Variants in SLC35F1 observed in about 807,000 individuals in gnomAD.
The protein encoded by SLC35F1 is chromosome 6 open reading frame 169.
SLC35F1 carries 14 observed loss-of-function variants against 48.7 expected under a neutral mutation model. The observed-to-expected ratio is 0.29, with a 90% CI of 0.19 to 0.45. The LOEUF (loss-of-function observed/expected upper bound fraction) is 0.45, where lower values mean the gene tolerates loss of function less well. Ranked by LOEUF, SLC35F1 falls within the 20% of genes least tolerant of loss-of-function variation. The pLI, the probability that SLC35F1 is intolerant of heterozygous loss-of-function variation, is 1.00. For synonymous variants in SLC35F1, 190 were observed against 202.2 expected (o/e 0.94, Z 0.51); for missense variants, 404 against 500.0 (o/e 0.81, Z 1.83).
chr6:118,275,044 C>T (rs283087), intron 4 of SLC35F1, among the ~76,000 whole-genome samples: 74,506 of 151,968 alleles, frequency 0.49, 18,642 homozygotes, highest in Non-Finnish European at 0.55. Context: ...GGTGTGGTGG[C>T]AGGTGCCTGT....
At chr6:117,922,288 T>G (rs1246370919) in intron 1 of SLC35F1, among the ~76,000 whole-genome samples, 1 of 152,192 alleles carries the variant, frequency 6.6e-6, no homozygotes, top group African/African-American at 2.4e-5. Context: ...GAGAACAACA[T>G]TTTCTTATTC....
At chr6:118,167,430 G>A (rs771694527) in intron 2 of SLC35F1, among the ~76,000 whole-genome samples, 1 of 152,102 alleles carries the variant, frequency 6.6e-6, no homozygotes, top group African/African-American at 2.4e-5. Flanking sequence ...AGGCTACATG[G>A]TTAGCCTATA....
chr6:118,220,823 T>A (rs1775137449), intron 2 of SLC35F1, among the ~76,000 whole-genome samples: 1 of 152,212 alleles, frequency 6.6e-6, no homozygotes, highest in Non-Finnish European at 1.5e-5. Flanking sequence ...TGGCTTGTTT[T>A]GTGTTACTTT....
chr6:118,272,362 TA>T (rs1775862363), intron 4 of SLC35F1, among the ~76,000 whole-genome samples: 2 of 152,196 alleles, frequency 1.3e-5, no homozygotes, highest in South Asian at 2.1e-4. Flanking sequence ...TTCATAATTT[TA>T]AACATGTCCA....
intron 1 of SLC35F1, among the ~76,000 whole-genome samples, chr6:117,961,984 A>G (rs115566061): frequency 0.014 from 2,137 of 152,312 alleles, 49 homozygotes; most frequent in African/African-American, 0.046. Context: ...TACCCATAGT[A>G]ATTGTTATTC....
At chr6:118,100,544 TA>T (rs1432127928) in intron 1 of SLC35F1, among the ~76,000 whole-genome samples, 1 of 152,184 alleles carries the variant, frequency 6.6e-6, no homozygotes, top group East Asian at 1.9e-4. Flanking sequence ...GTATCAACAT[TA>T]GAACCAGCCA....
At chr6:118,284,594 C>A (rs1776027718) in intron 6 of SLC35F1, among the ~76,000 whole-genome samples, 1 of 152,064 alleles carries the variant, frequency 6.6e-6, no homozygotes, top group African/African-American at 2.4e-5. Context: ...TTGGGTAGAG[C>A]AGAACAGAAT....
intron 1 of SLC35F1, among the ~76,000 whole-genome samples, chr6:117,934,184 T>G (rs1310593035): frequency 6.6e-6 from 1 of 152,106 alleles, no homozygotes; most frequent in Non-Finnish European, 1.5e-5. Flanking sequence ...TCCTTGTAAA[T>G]CAAACCCATA....
intron 1 of SLC35F1, among the ~76,000 whole-genome samples, chr6:118,087,848 T>C (rs562795833): frequency 6.6e-6 from 1 of 152,354 alleles, no homozygotes; most frequent in South Asian, 2.1e-4. Flanking sequence ...CTTGCTCATG[T>C]AAGATAGTGA....
chr6:118,139,946 T>C (rs895691642), intron 1 of SLC35F1, among the ~76,000 whole-genome samples: 2 of 152,206 alleles, frequency 1.3e-5, no homozygotes, highest in Non-Finnish European at 2.9e-5. Context: ...TTTCGAGTTA[T>C]AGTGTTTATT....
chr6:118,012,329 A>AG (rs1253292698), intron 1 of SLC35F1, among the ~76,000 whole-genome samples: 1 of 150,864 alleles, frequency 6.6e-6, no homozygotes, highest in African/African-American at 2.4e-5. Context: ...AAATGGGGAA[A>AG]AAAAAAAAAA....
At chr6:118,296,330 T>A (rs1776183277) in intron 7 of SLC35F1, among the ~76,000 whole-genome samples, 1 of 152,198 alleles carries the variant, frequency 6.6e-6, no homozygotes, top group Non-Finnish European at 1.5e-5. Flanking sequence ...TGGGACTCCT[T>A]CTTAGACAGC....
intron 2 of SLC35F1, among the ~76,000 whole-genome samples, chr6:118,206,834 A>T (rs986044802): frequency 2.6e-5 from 4 of 152,202 alleles, no homozygotes; most frequent in African/African-American, 9.7e-5. Flanking sequence ...CAGCATTTGC[A>T]TACAATGCTT....
intron 1 of SLC35F1, among the ~76,000 whole-genome samples, chr6:118,063,378 T>C (rs1434794947): frequency 1.3e-5 from 2 of 151,868 alleles, no homozygotes; most frequent in Non-Finnish European, 2.9e-5. Context: ...TCTCTGTGAA[T>C]TTCCTATGGT....
At chr6:117,918,594 G>A (rs1481897375) in intron 1 of SLC35F1, among the ~76,000 whole-genome samples, 1 of 152,076 alleles carries the variant, frequency 6.6e-6, no homozygotes, top group East Asian at 1.9e-4. Flanking sequence ...AAAGAGAAGT[G>A]GGAAACAGTC....
chr6:118,066,831 C>G (rs958208866), intron 1 of SLC35F1, among the ~76,000 whole-genome samples: 6 of 141,772 alleles, frequency 4.2e-5, no homozygotes, highest in Non-Finnish European at 6.0e-5. Flanking sequence ...GGCAGTAGTT[C>G]TTAAAATTTG....
chr6:118,006,654 G>A (rs1777178054), intron 1 of SLC35F1, among the ~76,000 whole-genome samples: 1 of 152,008 alleles, frequency 6.6e-6, no homozygotes, highest in Non-Finnish European at 1.5e-5. Flanking sequence ...TAAATAAAGT[G>A]TGTGATTCCA....
At chr6:118,089,896 T>C (rs909948956) in intron 1 of SLC35F1, among the ~76,000 whole-genome samples, 5 of 152,186 alleles carry the variant, frequency 3.3e-5, no homozygotes, top group African/African-American at 1.2e-4. Flanking sequence ...ACACAATGCC[T>C]TAATTCTTGA....
At chr6:118,203,377 C>A (rs577457716) in intron 2 of SLC35F1, among the ~76,000 whole-genome samples, 7 of 152,336 alleles carry the variant, frequency 4.6e-5, no homozygotes, top group African/African-American at 1.4e-4. Flanking sequence ...GATACCCTCC[C>A]CTCAGGGCTG....
Sources: allele counts gnomAD v4.1 joint callset (sites outside exome capture counted in the v4.1 genomes callset), GRCh38; gene constraint gnomAD v4.1.1; transcripts MANE v1.5; gene names NCBI Gene and HGNC (gene_info 2026-07-23, HGNC 2026-07-21).